Variants in TMEM47 observed in about 807,000 individuals in gnomAD.
TMEM47 encodes brain cell membrane protein 1.
Under a neutral mutation model 12.4 loss-of-function variants are expected in TMEM47, and 3 were observed. That is an observed-to-expected ratio of 0.24 (90% confidence interval 0.11 to 0.63). TMEM47 has a LOEUF of 0.63. Among genes scored for constraint, TMEM47 ranks in the 20% least tolerant of loss-of-function variants. The pLI, the probability that TMEM47 is intolerant of heterozygous loss-of-function variation, is 0.86. For synonymous variants in TMEM47, 62 were observed against 63.3 expected (o/e 0.98, Z 0.10); for missense variants, 89 against 143.8 (o/e 0.62, Z 1.95).
chrX:34,657,268 G>C lies in TMEM47; in HGVS notation c.-239C>G, dbSNP rs376591899. 3.2e-6 allele frequency: 1 copy of C among 309,863 alleles called. No homozygotes were observed. The highest frequency in any genetic ancestry group is 4.8e-6 in the Non-Finnish European group (1 of 209,746). The allele number at this position is 309,863 out of a possible 1,213,427, so 25.5% of individuals were successfully genotyped here. Reference sequence around the variant, plus strand: ...GATTCCACCCCGGACCTTCGCCGCCGGCCCCGCGCCGCGCTCTGCCAGCGC... The same window carrying C: ...GATTCCACCCCGGACCTTCGCCGCCCGCCCCGCGCCGCGCTCTGCCAGCGC... On this transcript the variant is annotated 5_prime_UTR_variant, in exon 1 of 3. Coordinates refer to ENST00000275954, the MANE Select transcript of TMEM47 (RefSeq NM_031442.4).
At chrX:34,650,206 A>T (rs1314898810) in intron 1 of TMEM47, among the ~76,000 whole-genome samples, 3 of 112,398 alleles carry the variant, frequency 2.7e-5, no homozygotes, top group African/African-American at 9.7e-5. Context: ...CATGGATGAT[A>T]AATAATCTTA....
rs779067552 is a variant in TMEM47 at position 34,630,248 on chromosome X, A to G, written c.*65T>C. On this transcript the variant is annotated 3_prime_UTR_variant, in exon 3 of 3. Coordinates refer to ENST00000275954, the MANE Select transcript of TMEM47 (RefSeq NM_031442.4). ...AGTGTTTTAGAAAATAGTAAGTTAG[A>G]AAAGATGCAGACGTAATCCTTTTGT... 2 of 1,018,748 alleles carry G rather than the reference A, an allele frequency of 2.0e-6. No individual in the cohort carries two copies. The highest frequency in any genetic ancestry group is 6.3e-5 in the East Asian group (2 of 31,964). The allele number at this position is 1,018,748 out of a possible 1,213,427, so 84.0% of individuals were successfully genotyped here. A position where few individuals can be genotyped will look rare whatever the true frequency, so the allele number is the denominator to read the frequency against.
chrX:34,647,101 GAGA>G (rs2147140999), intron 1 of TMEM47, among the ~76,000 whole-genome samples: 1 of 110,856 alleles, frequency 9.0e-6, no homozygotes, highest in African/African-American at 3.3e-5. Context: ...GAGTATATGT[GAGA>G]AGATGGGAAA....
chrX:34,647,293 C>T (rs1360647759), intron 1 of TMEM47, among the ~76,000 whole-genome samples: 1 of 111,333 alleles, frequency 9.0e-6, no homozygotes, highest in African/African-American at 3.3e-5. Flanking sequence ...TTGTGTCTGT[C>T]CCTTTTTATG....
chrX:34,646,711 A>C (rs1319367912), intron 1 of TMEM47, among the ~76,000 whole-genome samples: 2 of 111,192 alleles, frequency 1.8e-5, no homozygotes, highest in Non-Finnish European at 3.8e-5. Context: ...TAAGCAACTA[A>C]AGTTACTGTA....
At chrX:34,652,365 A>T (rs900841557) in intron 1 of TMEM47, among the ~76,000 whole-genome samples, 1 of 112,254 alleles carries the variant, frequency 8.9e-6, no homozygotes, top group African/African-American at 3.2e-5. Flanking sequence ...GACTATATCT[A>T]TGGTCTCTGC....
rs1180866944 is a variant in TMEM47, at chrX:34,629,871, A to G, written c.*442T>C. On this transcript the variant is annotated 3_prime_UTR_variant, in exon 3 of 3. Transcript: ENST00000275954. Reference sequence around the variant, plus strand: ...TCACTCAAGCAAATAACCAACAGCCAATGTAGTCATTGGGTAGGATAAGCA... The same window carrying G: ...TCACTCAAGCAAATAACCAACAGCCGATGTAGTCATTGGGTAGGATAAGCA... 1 of 113,287 alleles carries G rather than the reference A, an allele frequency of 8.8e-6. No individual in the cohort carries two copies. Among genetic ancestry groups the G allele is most frequent in the Non-Finnish European group, 1.8e-5 (1 of 54,233 alleles). The allele number at this position is 113,287 out of a possible 1,213,427, so 9.3% of individuals were successfully genotyped here. A position where few individuals can be genotyped will look rare whatever the true frequency, so the allele number is the denominator to read the frequency against.
chrX:34,646,276 A>G (rs1921909366), intron 1 of TMEM47, among the ~76,000 whole-genome samples: 1 of 112,167 alleles, frequency 8.9e-6, no homozygotes, highest in East Asian at 2.8e-4. Context: ...TGTCTTAGAT[A>G]ATTCAGTGGA....
chrX:34,630,657 A>T (rs1228729803), intron 2 of TMEM47, among the ~76,000 whole-genome samples, 166 bp from the exon 3 acceptor site: 2 of 110,894 alleles, frequency 1.8e-5, no homozygotes, highest in Non-Finnish European at 3.8e-5. Context: ...AATACTAATA[A>T]TTTTTTTGTT....
intron 2 of TMEM47, among the ~76,000 whole-genome samples, chrX:34,638,547 G>A (rs1304409877): frequency 8.9e-6 from 1 of 111,779 alleles, no homozygotes; most frequent in Non-Finnish European, 1.9e-5. Flanking sequence ...ATGACTGACA[G>A]GGCAAACTGA....
intron 2 of TMEM47, among the ~76,000 whole-genome samples, chrX:34,632,415 A>G (rs2147136935): frequency 8.9e-6 from 1 of 111,866 alleles, no homozygotes; most frequent in South Asian, 3.7e-4. Context: ...AAAGATTATT[A>G]CCAGTATGAT....
At chrX:34,634,322 G>A (rs1316154176) in intron 2 of TMEM47, among the ~76,000 whole-genome samples, 5 of 111,604 alleles carry the variant, frequency 4.5e-5, no homozygotes, top group Middle Eastern at 4.7e-3. Flanking sequence ...GAGGCATGAC[G>A]GGAATGTAGA....
intron 2 of TMEM47, among the ~76,000 whole-genome samples, chrX:34,633,468 G>A (rs1363651405): frequency 1.8e-5 from 2 of 111,407 alleles, no homozygotes; most frequent in Non-Finnish European, 3.8e-5. Flanking sequence ...TGTGATTGCA[G>A]TACAGAGAGC....
chrX:34,649,990 G>T (rs949895906), intron 1 of TMEM47, among the ~76,000 whole-genome samples: 10 of 111,861 alleles, frequency 8.9e-5, no homozygotes, highest in Non-Finnish European at 1.7e-4. Context: ...CTCCTAAAGT[G>T]CTGAGATTAC....
At chrX:34,640,188 G>T (rs2147139111) in intron 1 of TMEM47, among the ~76,000 whole-genome samples, 1 of 111,313 alleles carries the variant, frequency 9.0e-6, no homozygotes, top group Admixed American at 9.6e-5. Context: ...TCACGGGTGT[G>T]GTTTCTAAAA....
Position 34,650,182 on chromosome X carries a change from A to T in TMEM47, c.226+6622T>A, listed in dbSNP as rs1244459128. Among the ~76,000 whole-genome samples the T allele has an allele frequency of 4.4e-5, 5 of 112,635 alleles. No homozygotes were observed. In the East Asian group the frequency reaches 1.1e-3, roughly 25 times the overall value. On this transcript the variant is annotated intron_variant, in intron 1 of 2. Transcript: ENST00000275954. The stretch of plus-strand genomic sequence containing the variant: ...AATTCTATTTTCAGACTTTAATTCT[A>T]TGTGAAATCAAATCATGGATGATAA...
chrX:34,649,667 A>G (rs1921979851), intron 1 of TMEM47, among the ~76,000 whole-genome samples: 1 of 111,234 alleles, frequency 9.0e-6, no homozygotes, highest in South Asian at 3.9e-4. Context: ...GAGTTTACCT[A>G]TATAATAAAC....
At chrX:34,634,337 C>T (rs936512018) in intron 2 of TMEM47, among the ~76,000 whole-genome samples, 8 of 112,102 alleles carry the variant, frequency 7.1e-5, no homozygotes, top group Non-Finnish European at 1.5e-4. Context: ...TGTAGACCTA[C>T]TAATTCTTGT....
At chrX:34,631,054 C>T (rs938528317) in intron 2 of TMEM47, among the ~76,000 whole-genome samples, 11 of 105,343 alleles carry the variant, frequency 1.0e-4, no homozygotes, top group African/African-American at 3.8e-4. Flanking sequence ...ACCTGTAATC[C>T]CAGCTACTCA....
Sources: gnomAD v4.1 joint callset for allele counts (sites outside exome capture counted in the v4.1 genomes callset) on GRCh38, gnomAD v4.1.1 for gene constraint, MANE v1.5 for transcripts, NCBI Gene and HGNC (gene_info 2026-07-23, HGNC 2026-07-21) for gene names.